LYRM4: variants seen among roughly 807,000 people sequenced by gnomAD.
LYRM4 encodes the protein LYR motif containing 4, also known as LYR motif-containing protein 4.
LYRM4 carries 9 observed loss-of-function variants against 11.7 expected under a neutral mutation model. The observed-to-expected ratio is 0.77, with a 90% confidence interval of 0.46 to 1.34. The LOEUF (loss-of-function observed/expected upper bound fraction) is 1.34. Ranked by LOEUF, LYRM4 falls within the 40% of genes most tolerant of loss-of-function variation. The pLI, the probability that LYRM4 is intolerant of heterozygous loss-of-function variation, is 0.00. For synonymous variants in LYRM4, 42 were observed against 40.4 expected (o/e 1.04, Z -0.15); for missense variants, 133 against 112.5 (o/e 1.18, Z -0.82).
the LYRM4 span, among the ~76,000 whole-genome samples, chr6:5,055,843 A>G: frequency 6.6e-6 from 1 of 152,158 alleles, no homozygotes; most frequent in Admixed American, 6.5e-5. This position sits in a 1 kb window ranked among gnomAD's most constrained non-coding sequence, Gnocchi z 4.5. Context: ...CATAACCTTG[A>G]AACAGTTAAA....
At chr6:5,259,729 T>C (rs1764881535) in intron 1 of LYRM4, among the ~76,000 whole-genome samples, 1 of 152,154 alleles carries the variant, frequency 6.6e-6, no homozygotes, top group African/African-American at 2.4e-5. Flanking sequence ...GGTAAAGAGA[T>C]GAGTTGATCC....
chr6:5,212,476 A>G (rs1762034781), intron 2 of LYRM4, among the ~76,000 whole-genome samples: 1 of 152,212 alleles, frequency 6.6e-6, no homozygotes, highest in Admixed American at 6.5e-5. Context: ...CCTACAAACC[A>G]CCCAGGTTTG....
the LYRM4 span, among the ~76,000 whole-genome samples, chr6:5,091,249 T>C: frequency 6.6e-6 from 1 of 152,206 alleles, no homozygotes; most frequent in Non-Finnish European, 1.5e-5. Context: ...CTCATTGCAG[T>C]GTCCCGGCCT....
intron 1 of LYRM4, among the ~76,000 whole-genome samples, chr6:5,257,374 ACCTTGTACAT>A (rs1481510869): frequency 4.6e-5 from 7 of 152,034 alleles, no homozygotes; most frequent in African/African-American, 1.7e-4. Context: ...TAGATTCCAC[ACCTTGTACAT>A]CCTTCTGTCA....
chr6:5,082,862 C>T, the LYRM4 span, among the ~76,000 whole-genome samples: 2 of 152,234 alleles, frequency 1.3e-5, no homozygotes, highest in African/African-American at 4.8e-5. Context: ...AGCCCCCTGA[C>T]ACTCCCTCCA....
At chr6:5,218,336 G>A (rs1333067778) in intron 1 of LYRM4, 2 of 984,572 alleles carry the variant, frequency 2.0e-6, no homozygotes, top group African/African-American at 1.7e-5. Context: ...ATGAGAGGAG[G>A]GGATATAAAT....
intron 2 of LYRM4, among the ~76,000 whole-genome samples, chr6:5,154,359 C>T (rs1429187209): frequency 6.6e-6 from 1 of 152,184 alleles, no homozygotes; most frequent in African/African-American, 2.4e-5. Context: ...TCACTGACCA[C>T]CCCTATTCCC....
intron 2 of LYRM4, among the ~76,000 whole-genome samples, chr6:5,114,912 G>A (rs72809836): frequency 1.3e-5 from 2 of 152,274 alleles, no homozygotes; most frequent in Non-Finnish European, 2.9e-5. Context: ...TAATAGTTTG[G>A]TATTTTTGTC....
At chr6:5,144,071 G>C in intron 2 of LYRM4, 2 of 1,480,504 alleles carry the variant, frequency 1.4e-6, no homozygotes, top group Non-Finnish European at 1.8e-6. Context: ...TCATACTCCA[G>C]AAAAAGAAAT....
chr6:5,036,797 G>C, the LYRM4 span, among the ~76,000 whole-genome samples: 33 of 152,160 alleles, frequency 2.2e-4, 1 homozygote, highest in Admixed American at 2.0e-4. Flanking sequence ...ACAGTGAGAA[G>C]ACACAGTCCA....
At chr6:5,054,119 C>T in the LYRM4 span, 1 of 985,752 alleles carries the variant, frequency 1.0e-6, no homozygotes. Flanking sequence ...GTCCTCATGG[C>T]AGTCACCTGG....
chr6:5,134,841 A>G (rs75910094), intron 2 of LYRM4, among the ~76,000 whole-genome samples: 4 of 70,802 alleles, frequency 5.6e-5, no homozygotes, highest in South Asian at 5.5e-4. Context: ...ATGTCTATTT[A>G]AGAGATCTCA....
chr6:5,119,148 T>G (rs751311279), intron 2 of LYRM4, among the ~76,000 whole-genome samples: 2 of 152,216 alleles, frequency 1.3e-5, no homozygotes, highest in African/African-American at 4.8e-5. Flanking sequence ...ATATTCTTAA[T>G]GTGGAGGGAG....
chr6:5,260,588 G>C, intron 1 of LYRM4, 60 bp downstream of exon 1: 4 of 1,294,118 alleles, frequency 3.1e-6, no homozygotes, highest in Non-Finnish European at 4.3e-6. Flanking sequence ...GCGTCAGCCC[G>C]CACCCCCGGT....
chr6:5,221,971 G>A (rs1408244270), intron 1 of LYRM4, among the ~76,000 whole-genome samples: 1 of 152,214 alleles, frequency 6.6e-6, no homozygotes, highest in African/African-American at 2.4e-5. Flanking sequence ...CATCCTTGGG[G>A]TTATGGTGTG....
chr6:5,057,924 T>G, the LYRM4 span, among the ~76,000 whole-genome samples: 2 of 151,964 alleles, frequency 1.3e-5, no homozygotes, highest in Non-Finnish European at 2.9e-5. Context: ...CAGCTAATTC[T>G]TATTTTTTGT....
At chr6:5,257,618 C>G (rs1195368370) in intron 1 of LYRM4, among the ~76,000 whole-genome samples, 3 of 152,184 alleles carry the variant, frequency 2.0e-5, no homozygotes, top group Non-Finnish European at 4.4e-5. Flanking sequence ...ATGGCCTGAG[C>G]TCCATCTCCT....
chr6:5,156,427 T>G (rs1181503455), intron 2 of LYRM4, among the ~76,000 whole-genome samples: 4 of 152,188 alleles, frequency 2.6e-5, no homozygotes, highest in African/African-American at 7.2e-5. Flanking sequence ...TTTGCTATAC[T>G]GAACTCATCA....
the LYRM4 span, among the ~76,000 whole-genome samples, chr6:5,075,599 A>G: frequency 6.6e-6 from 1 of 152,202 alleles, no homozygotes; most frequent in African/African-American, 2.4e-5. Context: ...AAGACATTAT[A>G]ATGAAAGGAA....
Sources: allele counts gnomAD v4.1 joint callset (sites outside exome capture counted in the v4.1 genomes callset), GRCh38; gene constraint gnomAD v4.1.1; non-coding constraint Gnocchi (gnomAD v3.1); transcripts MANE v1.5; gene names NCBI Gene and HGNC (gene_info 2026-07-23, HGNC 2026-07-21).